PDK3: variants seen among roughly 807,000 people sequenced by gnomAD.
PDK3 encodes pyruvate dehydrogenase kinase 3, also known as pyruvate dehydrogenase kinase, isozyme 3.
Under a neutral mutation model 32.0 loss-of-function variants are expected in PDK3, and 12 were observed. That is an observed-to-expected ratio of 0.37 (90% confidence interval 0.24 to 0.61). The LOEUF is 0.61. Ranked by LOEUF, PDK3 falls within the 20% of genes least tolerant of loss-of-function variation. The pLI is 0.65. For missense variants in PDK3, 188 were observed against 316.9 expected (o/e 0.59, Z 3.09); for synonymous variants, 122 against 116.3 (o/e 1.05, Z -0.31).
chrX:24,465,460 G>A lies in PDK3; in HGVS notation c.5G>A (p.Arg2Gln), dbSNP rs758776608. 8.3e-7 allele frequency: 1 copy of A among 1,203,113 alleles called. No homozygotes were observed. The highest frequency in any genetic ancestry group is 1.8e-5 in the South Asian group (1 of 56,623). The change falls in exon 1 of 11, where the codon CGG becomes CAG. Residue 2 changes from arginine to glutamine, a missense_variant. Physicochemically the swap from Arg to Gln is conservative, Grantham distance 43. Coordinates refer to ENST00000379162, the MANE Select transcript of PDK3 (RefSeq NM_005391.5). ...CTGTGCGCCGCCCGGGCGAGGATGC[G>A]GCTGTTCCGGTGGCTGCTGAAGCAG... MRLFRWLLKQPV... is the reference protein window; with the variant it reads MQLFRWLLKQPV...
Position 24,534,009 on chromosome X carries a change from C to A in PDK3, c.1158C>A (p.Ala386=). ...AWRHYKTTPE[A]DDWSNPSSEP... is the part of the protein sequence containing the mutation. ...GCCATTACAAGACCACGCCTGAAGC[C>A]GATGATTGGAGCAATCCCAGCAGTG... The change falls in exon 11 of 11, where the codon GCC becomes GCA. Residue 386 remains alanine, a synonymous_variant. Coordinates refer to ENST00000379162, the MANE Select transcript of PDK3 (RefSeq NM_005391.5). 1 of 1,209,859 alleles carries A rather than the reference C, an allele frequency of 8.3e-7. No homozygotes were observed. The highest frequency in any genetic ancestry group is 1.1e-6 in the Non-Finnish European group (1 of 894,486).
intron 1 of PDK3, among the ~76,000 whole-genome samples, chrX:24,481,049 CT>C (rs758641178): frequency 8.2e-4 from 80 of 97,400 alleles, no homozygotes; most frequent in East Asian, 1.6e-3. Context: ...TTTTCTTTTT[CT>C]TTTTTTTTTT....
chrX:24,513,545 C>G (rs1037421979), intron 5 of PDK3: 2 of 136,000 alleles, frequency 1.5e-5, no homozygotes, highest in African/African-American at 6.4e-5. Context: ...TGATAGAGGG[C>G]CGTGTCATTG....
At chrX:24,541,100 G>A (rs1250333913) in exon 12 of PDK3, among the ~76,000 whole-genome samples, 2 of 105,948 alleles carry the variant, frequency 1.9e-5, no homozygotes, top group African/African-American at 3.4e-5. Context: ...TTGTAGAGAC[G>A]GGGTTTCACC....
chrX:24,545,968 ATGT>A (rs1012363522), exon 12 of PDK3: 2 of 112,277 alleles, frequency 1.8e-5, no homozygotes, highest in African/African-American at 6.5e-5. Flanking sequence ...GATCTTCTCA[ATGT>A]TGTTTTCATC....
At chrX:24,534,840 C>T (rs765512034), downstream of PDK3, among the ~76,000 whole-genome samples, 2 of 112,064 alleles carry the variant, frequency 1.8e-5, no homozygotes, top group Non-Finnish European at 3.8e-5. Context: ...GTCTGTAGTC[C>T]TAGCTACTCA....
At position 24,511,061 on chromosome X, in the gene PDK3, CTG is replaced by C. The variant is rs2022684221; in HGVS notation, c.595+5767_595+5768del. On this transcript the variant is annotated intron_variant, in intron 5 of 10. Transcript: ENST00000379162. ...AAGGTTGAAAGGCCTGAAATTTCTT[CTG>C]TGTCTTCTAGCTAAAAGGCACTGGA... 5.3e-5 allele frequency among the ~76,000 whole-genome samples: 6 copies of C among 112,432 alleles called. No individual in the cohort carries two copies. The Admixed American group carries it at 5.7e-4, about 11-fold the overall frequency.
intron 5 of PDK3, 113 bp downstream of exon 5, chrX:24,505,411 A>C: frequency 4.3e-6 from 2 of 460,992 alleles, no homozygotes; most frequent in African/African-American, 2.4e-5. Flanking sequence ...TCATCAGGTC[A>C]CTCTGGGCCC....
chrX:24,510,306 G>A (rs751202931), intron 5 of PDK3, among the ~76,000 whole-genome samples: 1 of 112,230 alleles, frequency 8.9e-6, no homozygotes, highest in Non-Finnish European at 1.9e-5. Context: ...TAATGTTTAC[G>A]ATAGTAATCA....
At chrX:24,504,760 G>A (rs763174539) in intron 4 of PDK3, among the ~76,000 whole-genome samples, 111 of 111,963 alleles carry the variant, frequency 9.9e-4, no homozygotes, top group Non-Finnish European at 1.5e-3. Flanking sequence ...TCTCCATGGG[G>A]GAGGCATCTG....
exon 12 of PDK3, chrX:24,539,910 A>G (rs1405433315): frequency 2.7e-5 from 3 of 112,487 alleles, no homozygotes; most frequent in African/African-American, 9.7e-5. Flanking sequence ...AAATTTGTAC[A>G]GAGTGTGAAG....
chrX:24,468,096 G>A (rs570523591), intron 1 of PDK3, among the ~76,000 whole-genome samples: 1 of 111,964 alleles, frequency 8.9e-6, no homozygotes. Flanking sequence ...CCAGAGAAAG[G>A]AGATACACAG....
At chrX:24,535,646 C>A (rs186457715), downstream of PDK3, among the ~76,000 whole-genome samples, 24 of 110,919 alleles carry the variant, frequency 2.2e-4, no homozygotes, top group African/African-American at 7.8e-4. Context: ...AGATATTTTG[C>A]CATTTGTGTA....
At chrX:24,473,529 C>T (rs1045751254) in intron 1 of PDK3, among the ~76,000 whole-genome samples, 3 of 108,782 alleles carry the variant, frequency 2.8e-5, no homozygotes, top group Non-Finnish European at 3.8e-5. Flanking sequence ...CTCTGCCTCC[C>T]GGGTTCAGGT....
At chrX:24,471,732 A>G (rs1459175063) in intron 1 of PDK3, among the ~76,000 whole-genome samples, 1 of 112,124 alleles carries the variant, frequency 8.9e-6, no homozygotes, top group African/African-American at 3.2e-5. Flanking sequence ...CTTTATGACT[A>G]TCAGTGTTAT....
At chrX:24,537,329 C>T (rs188225007), downstream of PDK3, among the ~76,000 whole-genome samples, 228 of 79,871 alleles carry the variant, frequency 2.9e-3, 6 homozygotes, top group Admixed American at 0.031. Context: ...GTTGGGGTTT[C>T]GCCATGTTGG....
In PDK3 at chrX:24,534,208, TA is replaced by T; in HGVS notation, c.*141del. 1 of 966,459 alleles carries T rather than the reference TA, an allele frequency of 1.0e-6. No homozygotes were observed. Among genetic ancestry groups the T allele is most frequent in the South Asian group, 5.2e-5 (1 of 19,192 alleles). 79.6% of individuals were successfully genotyped at this position (966,459 alleles called of 1,213,427 possible). On this transcript the variant is annotated 3_prime_UTR_variant, in exon 11 of 11. Coordinates refer to ENST00000379162, the MANE Select transcript of PDK3 (RefSeq NM_005391.5). ...GATTTGGCCTGCCATCAATTTTATT[TA>T]AAAAGCAATTAAGTTTGCAGTTTGT...
downstream of PDK3, among the ~76,000 whole-genome samples, chrX:24,535,664 A>AT (rs899633383): frequency 2.7e-5 from 3 of 110,005 alleles, no homozygotes; most frequent in East Asian, 2.8e-4. Flanking sequence ...GTATATATGT[A>AT]TTTTTTTTGC....
rs763095558 is a variant in PDK3 at position 24,496,568 on chromosome X, C to CTTTTTTTT, written c.248+1701_248+1708dup. Among the ~76,000 whole-genome samples, 22 of 39,322 alleles carry CTTTTTTTT rather than the reference C, an allele frequency of 5.6e-4. 2 individuals are homozygous for CTTTTTTTT. Among genetic ancestry groups the CTTTTTTTT allele is most frequent in the African/African-American group, 1.4e-3 (13 of 8,996 alleles). The allele number at this position is 39,322 out of a possible 115,157, so 34.1% of individuals were successfully genotyped here. On this transcript the variant is annotated intron_variant, in intron 2 of 10. Transcript: ENST00000379162. ...CTAATTGTCCTGATACTACCCCCAT[C>CTTTTTTTT]TTTTTTTTTTTTTTTTTTTTTTTGC...
Sources: allele counts gnomAD v4.1 joint callset (sites outside exome capture counted in the v4.1 genomes callset), GRCh38; gene constraint gnomAD v4.1.1; transcripts MANE v1.5; gene names NCBI Gene and HGNC (gene_info 2026-07-23, HGNC 2026-07-21).